The following ITIH2 variants were observed in gnomAD, a reference collection of about 807,000 sequenced individuals.
The protein encoded by ITIH2 is inter-alpha-trypsin inhibitor heavy chain H2.
Under a neutral mutation model 104.4 loss-of-function variants are expected in ITIH2, and 103 were observed. That is an observed-to-expected ratio of 0.99 (90% confidence interval 0.84 to 1.16). ITIH2 has a LOEUF of 1.16. Among genes scored for constraint, ITIH2 ranks in the 50% most tolerant of loss-of-function variants. The pLI, the probability that ITIH2 is intolerant of heterozygous loss-of-function variation, is 0.00. For synonymous variants in ITIH2, 436 were observed against 435.4 expected (o/e 1.00, Z -0.02); for missense variants, 1,108 against 1,162.4 (o/e 0.95, Z 0.68).
rs539634111 is a variant in ITIH2 at position 7,738,735 on chromosome 10, C to T, written c.2072C>T (p.Thr691Met). The part of the protein sequence containing the change: ...LAQGSQVLES[T>M]PPPHVMRVEN... The stretch of plus-strand genomic sequence containing the variant: ...CAAGGATCTCAGGTGCTAGAGTCCA[C>T]GCCACCCCCACATGTGATGAGAGGT... The change falls in exon 16 of 21, where the codon ACG (threonine) becomes ATG (methionine). Residue 691 changes from threonine (T) to methionine (M), a missense_variant. Coordinates refer to ENST00000358415, the MANE Select transcript of ITIH2 (RefSeq NM_002216.3). 6.8e-6 allele frequency: 11 copies of T among 1,611,772 alleles called. No homozygotes were observed. The highest frequency in any genetic ancestry group is 3.3e-5 in the Admixed American group (2 of 59,780).
At chr10:7,743,386 T>C (rs1160200259) in intron 17 of ITIH2, 127 bp downstream of exon 17, 10 of 572,666 alleles carry the variant, frequency 1.7e-5, no homozygotes, top group Non-Finnish European at 3.1e-5. Context: ...TAGTGAGAAA[T>C]TAAATTATAA....
chr10:7,731,733 T>C, intron 12 of ITIH2, 78 bp from the exon 13 acceptor site: 2 of 1,084,826 alleles, frequency 1.8e-6, no homozygotes, highest in Admixed American at 2.4e-5. Flanking sequence ...TCAAAATAAA[T>C]AAATAAATAA....
chr10:7,732,218 T>C (rs959162325), intron 13 of ITIH2, 120 bp from the exon 14 acceptor site: 3 of 1,199,824 alleles, frequency 2.5e-6, no homozygotes, highest in East Asian at 2.4e-5. Context: ...CCTTCCTCCG[T>C]AGGCTTTGCC....
rs146238238 is a variant in ITIH2 at position 7,728,219 on chromosome 10, C to T, written c.1279+391C>T. Among the ~76,000 whole-genome samples the T allele has an allele frequency of 8.1e-3, 1,229 of 152,258 alleles. 10 individuals carry two copies. Among genetic ancestry groups the T allele is most frequent in the Admixed American group, 0.014 (215 of 15,288 alleles). ...GATCTCCCAGCAGTACCTTTGGAGG[C>T]CACAGTAGCATATTCCCTATTATTC... On this transcript the variant is annotated intron_variant, in intron 11 of 20. Transcript: ENST00000358415.
At chr10:7,706,174 T>C (rs1475928353) in intron 2 of ITIH2, among the ~76,000 whole-genome samples, 1 of 152,188 alleles carries the variant, frequency 6.6e-6, no homozygotes, top group Non-Finnish European at 1.5e-5. Flanking sequence ...ATGTCACAAT[T>C]TATTTAGCCA....
At chr10:7,739,011 T>C (rs1835099707) in intron 16 of ITIH2, among the ~76,000 whole-genome samples, 1 of 152,204 alleles carries the variant, frequency 6.6e-6, no homozygotes, top group African/African-American at 2.4e-5. Flanking sequence ...GTGGGAGGTT[T>C]GGGTAGTAGC....
chr10:7,732,496 CCACACCACGA>C lies in ITIH2; in HGVS notation c.1787+20_1787+29del, dbSNP rs1835013531. On this transcript the variant is annotated intron_variant, in intron 14 of 20. Coordinates refer to ENST00000358415, the MANE Select transcript of ITIH2 (RefSeq NM_002216.3). ...CTGAACGGTAAGAAGAGAAGAGTAC[CCACACCACGA>C]GATCTGCAAAACTGAAATGTCCACC... 1 of 1,602,928 alleles carries C rather than the reference CCACACCACGA, an allele frequency of 6.2e-7. No individual in the cohort carries two copies.
intron 15 of ITIH2, among the ~76,000 whole-genome samples, chr10:7,737,575 A>T (rs111228111): frequency 0.37 from 33,824 of 90,460 alleles, 6,015 homozygotes; most frequent in East Asian, 0.6. Flanking sequence ...TTATATATTA[A>T]ATTCTATATT....
intron 12 of ITIH2, among the ~76,000 whole-genome samples, chr10:7,731,608 C>T (rs1835003441): frequency 1.3e-5 from 2 of 152,112 alleles, no homozygotes; most frequent in South Asian, 4.2e-4. Flanking sequence ...GCCCGTAATC[C>T]CAGCTACTTG....
At chr10:7,723,936 C>T (rs563114520) in intron 9 of ITIH2, among the ~76,000 whole-genome samples, 2 of 152,312 alleles carry the variant, frequency 1.3e-5, no homozygotes, top group Non-Finnish European at 1.5e-5. Flanking sequence ...GGATCAGTCA[C>T]ATTCTTTTTG....
intron 15 of ITIH2, among the ~76,000 whole-genome samples, chr10:7,737,712 ATATTCTATATAATATTC>A (rs1835077240): frequency 5.3e-5 from 3 of 56,330 alleles, no homozygotes; most frequent in Non-Finnish European, 8.1e-5. Flanking sequence ...ATTCTATATT[ATATTCTATATAATATTC>A]TATATTATAT....
rs535801937 is a variant in ITIH2, at chr10:7,749,440, G to A, written c.*106G>A. 9 of 990,994 alleles carry A rather than the reference G, an allele frequency of 9.1e-6. No homozygotes were observed. The African/African-American group carries it at 1.3e-4, about 15-fold the overall frequency. 61.4% of individuals were successfully genotyped at this position (990,994 alleles called of 1,614,324 possible). Reference sequence around the variant, plus strand: ...ATTAAAATGAACCAGATATCAGGGTGGTTAATTAAAATGAACCAGATATCA... The same window carrying A: ...ATTAAAATGAACCAGATATCAGGGTAGTTAATTAAAATGAACCAGATATCA... On this transcript the variant is annotated 3_prime_UTR_variant, in exon 21 of 21. Coordinates refer to ENST00000358415, the MANE Select transcript of ITIH2 (RefSeq NM_002216.3).
chr10:7,714,439 T>A (rs1834828527), intron 5 of ITIH2, among the ~76,000 whole-genome samples: 3 of 152,138 alleles, frequency 2.0e-5, no homozygotes, highest in Admixed American at 6.6e-5. Flanking sequence ...CCCAAACTGC[T>A]GGGATTACAG....
Position 7,713,237 on chromosome 10 carries a change from C to G in ITIH2, c.419C>G (p.Ala140Gly). The G allele has an allele frequency of 6.2e-7, 1 of 1,614,204 alleles. No homozygotes were observed. ...SSIKEKTVGR[A>G]LYAQARAKGK... is the part of the protein sequence containing the mutation. The stretch of plus-strand genomic sequence containing the variant: ...ATTAAGGAGAAAACTGTGGGCCGAG[C>G]TCTTTATGCACAGGCCAGAGCAAAA... The change falls in exon 5 of 21, where the codon GCT (alanine) becomes GGT (glycine). Residue 140 changes from alanine (A) to glycine (G), a missense_variant. Physicochemically the swap from Ala to Gly is moderately conservative, Grantham distance 60. Transcript: ENST00000358415.
At chr10:7,737,768 TATA>T (rs1345172605) in intron 15 of ITIH2, among the ~76,000 whole-genome samples, 1 of 17,896 alleles carries the variant, frequency 5.6e-5, no homozygotes, top group South Asian at 1.9e-3. Context: ...TTATATTCTA[TATA>T]ATATTCTATA....
intron 5 of ITIH2, among the ~76,000 whole-genome samples, chr10:7,714,290 G>T (rs1426467110): frequency 6.7e-6 from 1 of 149,776 alleles, no homozygotes; most frequent in Non-Finnish European, 1.5e-5. Flanking sequence ...TCCTGCCTCA[G>T]CCTCCAGAGT....
In ITIH2 at chr10:7,727,739, T is replaced by C. The variant is rs772398280; in HGVS notation, c.1190T>C (p.Phe397Ser). 1 of 1,614,150 alleles carries C rather than the reference T, an allele frequency of 6.2e-7. No homozygotes were observed. The highest frequency in any genetic ancestry group is 1.1e-5 in the South Asian group (1 of 91,078). Residue 397 changes from phenylalanine to serine, a missense_variant, in exon 11 of 21, where the codon TTC becomes TCC. Transcript: ENST00000358415. ...NINEALLRAI[F>S]ILNEANNLGL... Reference sequence around the variant, plus strand: ...AACGAAGCACTCCTACGGGCAATCTTCATTTTGAATGAAGCCAATAACTTG... The same window carrying C: ...AACGAAGCACTCCTACGGGCAATCTCCATTTTGAATGAAGCCAATAACTTG...
rs1377844866 is a variant in ITIH2, at chr10:7,717,711, G to A, written c.553G>A (p.Glu185Lys). ...GGTGCAGTTCGAACTTCACTACCAGGAGGTGAAGTGGAGGAAGCTGGGCTC... is the reference window on the plus strand; with the variant it reads ...GGTGCAGTTCGAACTTCACTACCAGAAGGTGAAGTGGAGGAAGCTGGGCTC... Reference protein sequence around the residue: ...AKVQFELHYQEVKWRKLGSYE... With the variant: ...AKVQFELHYQKVKWRKLGSYE... The change falls in exon 6 of 21, where the codon GAG becomes AAG. Residue 185 changes from glutamate (E) to lysine (K), a missense_variant. Glu to Lys is a moderately conservative substitution (Grantham distance 56, BLOSUM62 1). Transcript: ENST00000358415. 6 of 1,613,580 alleles carry A rather than the reference G, an allele frequency of 3.7e-6. No homozygotes were observed. Among genetic ancestry groups the A allele is most frequent in the Middle Eastern group, 1.8e-4 (1 of 5,634 alleles).
At chr10:7,737,426 TAC>T (rs1554766638) in intron 15 of ITIH2, among the ~76,000 whole-genome samples, 26 of 131,076 alleles carry the variant, frequency 2.0e-4, no homozygotes, top group Middle Eastern at 4.8e-3. Flanking sequence ...TATATATATA[TAC>T]ACGTGTATAT....
Sources: gnomAD v4.1 joint callset for allele counts (sites outside exome capture counted in the v4.1 genomes callset) on GRCh38, gnomAD v4.1.1 for gene constraint, MANE v1.5 for transcripts, NCBI Gene and HGNC (gene_info 2026-07-23, HGNC 2026-07-21) for gene names.